The following EPHA3 variants were observed in gnomAD, a reference collection of about 807,000 sequenced individuals.
EPHA3 encodes the protein EPH receptor A3.
A neutral mutation model predicts 107.1 loss-of-function variants in EPHA3; 42 were observed. That is an observed-to-expected ratio of 0.39 (90% CI 0.31 to 0.51). The LOEUF is 0.51. Ranked by LOEUF, EPHA3 falls within the 20% of genes least tolerant of loss-of-function variation. The pLI is 0.78. For missense variants in EPHA3, 1,183 were observed against 1,211.2 expected, an observed-to-expected ratio of 0.98 and a Z score of 0.35; for synonymous variants, 461 against 424.8, an observed-to-expected ratio of 1.09 and a Z score of -1.05.
intron 3 of EPHA3, among the ~76,000 whole-genome samples, chr3:89,327,805 G>A (rs942261988): frequency 3.3e-5 from 5 of 151,966 alleles, no homozygotes; most frequent in Admixed American, 6.6e-5. Flanking sequence ...ATAGTAGGGC[G>A]TTATATCTGT....
intron 5 of EPHA3, among the ~76,000 whole-genome samples, chr3:89,391,951 C>T (rs1708752741): frequency 1.3e-5 from 2 of 152,000 alleles, no homozygotes; most frequent in South Asian, 2.1e-4. Context: ...TTTAAATTTG[C>T]TAAAAATTAT....
intron 3 of EPHA3, among the ~76,000 whole-genome samples, chr3:89,230,644 C>A (rs1328155652): frequency 6.6e-6 from 1 of 151,948 alleles, no homozygotes; most frequent in African/African-American, 2.4e-5. Flanking sequence ...GTTTGTGTTT[C>A]GGGCAGTATC....
intron 5 of EPHA3, among the ~76,000 whole-genome samples, chr3:89,386,017 C>A (rs1273905153): frequency 1.3e-5 from 2 of 152,126 alleles, no homozygotes; most frequent in Admixed American, 6.6e-5. Context: ...CCCTCGAGAT[C>A]AGCAGAACTC....
At chr3:89,416,306 T>C (rs1709244770) in intron 10 of EPHA3, among the ~76,000 whole-genome samples, 1 of 151,434 alleles carries the variant, frequency 6.6e-6, no homozygotes, top group Non-Finnish European at 1.5e-5. Flanking sequence ...GCAGCCATGC[T>C]TTTATCTAGA....
intron 5 of EPHA3, among the ~76,000 whole-genome samples, chr3:89,367,692 C>T (rs58564370): frequency 1.3e-5 from 2 of 150,834 alleles, no homozygotes; most frequent in Middle Eastern, 3.4e-3. Context: ...AGATATATCT[C>T]CTTCCTATTC....
chr3:89,407,511 C>G (rs1243297410), intron 8 of EPHA3, 140 bp downstream of exon 8: 4 of 646,014 alleles, frequency 6.2e-6, no homozygotes, highest in Non-Finnish European at 1.1e-5. Context: ...TAGGTCCTCT[C>G]TTTCTCCTCC....
chr3:89,413,078 T>A, intron 9 of EPHA3, 63 bp from the exon 10 acceptor site: 1 of 1,597,032 alleles, frequency 6.3e-7, no homozygotes, highest in South Asian at 1.1e-5. Flanking sequence ...GCCATAAAAT[T>A]TGATCTATAA....
chr3:89,451,769 C>T (rs1405101939), intron 15 of EPHA3, among the ~76,000 whole-genome samples: 2 of 152,054 alleles, frequency 1.3e-5, no homozygotes, highest in South Asian at 2.1e-4. Flanking sequence ...ATAATAGTAT[C>T]CCGCCCTGTT....
intron 3 of EPHA3, among the ~76,000 whole-genome samples, chr3:89,316,069 A>C: frequency 6.7e-6 from 1 of 149,440 alleles, no homozygotes; most frequent in Non-Finnish European, 1.5e-5. Context: ...AAAATAACGC[A>C]AAAAATAAGT....
chr3:89,286,486 G>A lies in EPHA3; in HGVS notation c.815-54430G>A, dbSNP rs1029569500. On this transcript the variant is annotated intron_variant, in intron 3 of 16. Transcript: ENST00000336596. ...TAGGAAGGTTCTCCAGTAGTTAATTGAGAGATTATGGAGTCTTGGACTATC... is the reference window on the plus strand; with the variant it reads ...TAGGAAGGTTCTCCAGTAGTTAATTAAGAGATTATGGAGTCTTGGACTATC... 2.6e-5 allele frequency among the ~76,000 whole-genome samples: 4 copies of A among 152,104 alleles called. No homozygotes were observed. In the East Asian group the frequency reaches 7.7e-4, roughly 29 times the overall value.
At chr3:89,367,061 T>C (rs1708199414) in intron 5 of EPHA3, among the ~76,000 whole-genome samples, 1 of 150,596 alleles carries the variant, frequency 6.6e-6, no homozygotes, top group South Asian at 2.1e-4. Context: ...TAGTCTGCAG[T>C]TGCGTTTCCA....
intron 3 of EPHA3, among the ~76,000 whole-genome samples, chr3:89,248,875 A>G (rs147219528): frequency 1.9e-4 from 29 of 152,360 alleles, no homozygotes; most frequent in African/African-American, 6.7e-4. Context: ...ACAGGTCCAT[A>G]ACACACAGCA....
intron 2 of EPHA3, among the ~76,000 whole-genome samples, chr3:89,138,287 A>G (rs1380893098): frequency 6.6e-6 from 1 of 151,992 alleles, no homozygotes. Flanking sequence ...CCAAGTCATC[A>G]AATTTATCTC....
intron 5 of EPHA3, among the ~76,000 whole-genome samples, chr3:89,374,782 C>A (rs1020301065): frequency 6.6e-6 from 1 of 151,538 alleles, no homozygotes; most frequent in African/African-American, 2.4e-5. Flanking sequence ...ATTTTCTAAC[C>A]TGAGAATGCC....
At chr3:89,409,384 C>A (rs771206071) in intron 9 of EPHA3, among the ~76,000 whole-genome samples, 1 of 151,902 alleles carries the variant, frequency 6.6e-6, no homozygotes, top group Non-Finnish European at 1.5e-5. Context: ...ATTAAGTCAC[C>A]CTCAATTTGA....
chr3:89,473,778 A>G (rs1163912917), intron 16 of EPHA3, among the ~76,000 whole-genome samples: 2 of 152,184 alleles, frequency 1.3e-5, no homozygotes, highest in Non-Finnish European at 2.9e-5. Context: ...CAAAAGAAGT[A>G]GAATGAGGTA....
At chr3:89,243,721 T>A (rs1686051621) in intron 3 of EPHA3, among the ~76,000 whole-genome samples, 2 of 152,204 alleles carry the variant, frequency 1.3e-5, no homozygotes, top group African/African-American at 2.4e-5. Context: ...GCGTGTTCAC[T>A]CTGAGAGTAG....
intron 16 of EPHA3, among the ~76,000 whole-genome samples, chr3:89,476,844 G>T (rs1358939730): frequency 6.6e-6 from 1 of 151,718 alleles, no homozygotes; most frequent in African/African-American, 2.4e-5. Flanking sequence ...TCCTGACCTC[G>T]TGATTCACCC....
Position 89,107,734 on chromosome 3 carries a change from C to T in EPHA3, c.-15C>T, listed in dbSNP as rs72919864. On this transcript the variant is annotated 5_prime_UTR_variant, in exon 1 of 17. Transcript: ENST00000336596. Reference sequence around the variant, plus strand: ...ATGGAGATATGCTCCTCTCACTGCCCTCTGCACCAGCAACATGGATTGTCA... The same window carrying T: ...ATGGAGATATGCTCCTCTCACTGCCTTCTGCACCAGCAACATGGATTGTCA... The T allele has an allele frequency of 6.2e-7, 1 of 1,612,682 alleles. No individual in the cohort carries two copies. Among genetic ancestry groups the T allele is most frequent in the Non-Finnish European group, 8.5e-7 (1 of 1,178,712 alleles).
Sources: allele counts gnomAD v4.1 joint callset (sites outside exome capture counted in the v4.1 genomes callset), GRCh38; gene constraint gnomAD v4.1.1; transcripts MANE v1.5; gene names NCBI Gene and HGNC (gene_info 2026-07-23, HGNC 2026-07-21).